PARD3B: variants seen among roughly 807,000 people sequenced by gnomAD.
The protein encoded by PARD3B is partitioning defective 3 homolog B.
In PARD3B, 103 loss-of-function variants were observed where a neutral mutation model predicts 130.2. The observed-to-expected ratio is 0.79, with a 90% confidence interval of 0.67 to 0.93. PARD3B has a LOEUF of 0.93. Among genes scored for constraint, PARD3B ranks in the 40% least tolerant of loss-of-function variants. PARD3B has a pLI of 0.00. For synonymous variants in PARD3B, 583 were observed against 553.2 expected (o/e 1.05, Z -0.76); for missense variants, 1,609 against 1,499.2 (o/e 1.07, Z -1.21).
intron 15 of PARD3B, among the ~76,000 whole-genome samples, chr2:205,217,735 CATATATGTATGTGTGT>C (rs2037992332): frequency 6.7e-6 from 1 of 148,860 alleles, no homozygotes; most frequent in African/African-American, 2.5e-5. Flanking sequence ...TACATATACA[CATATATGTATGTGTGT>C]ATATATGTGT....
intron 16 of PARD3B, among the ~76,000 whole-genome samples, chr2:205,299,427 C>T (rs796982148): frequency 6.6e-5 from 10 of 151,526 alleles, no homozygotes; most frequent in African/African-American, 2.2e-4. Flanking sequence ...TGCAAGTAGA[C>T]TTCATGACAG....
intron 2 of PARD3B, among the ~76,000 whole-genome samples, chr2:204,956,156 G>A (rs1690219077): frequency 6.6e-6 from 1 of 152,164 alleles, no homozygotes; most frequent in Non-Finnish European, 1.5e-5. Flanking sequence ...CCAACCTTAG[G>A]TTCCAATAAG....
At chr2:204,847,201 G>C (rs1214232745) in intron 2 of PARD3B, among the ~76,000 whole-genome samples, 3 of 100,862 alleles carry the variant, frequency 3.0e-5, no homozygotes, top group Non-Finnish European at 4.2e-5. Flanking sequence ...CATTGTTTAT[G>C]TTTTAACTAC....
intron 2 of PARD3B, among the ~76,000 whole-genome samples, chr2:204,922,258 G>A (rs2047709612): frequency 6.6e-6 from 1 of 152,018 alleles, no homozygotes; most frequent in Non-Finnish European, 1.5e-5. Context: ...AAAAAGAGAA[G>A]CAAATAAGCA....
rs115838289 is a variant in PARD3B at position 205,051,124 on chromosome 2, C to G, written c.504+3434C>G. ...ACACTGGTACCCTGCAGAGGAGGTT[C>G]TGTGTGGCAAGGACCTGGGACTGGA... On this transcript the variant is annotated intron_variant, in intron 4 of 22. Coordinates refer to ENST00000406610, the MANE Select transcript of PARD3B (RefSeq NM_001302769.2). Among the ~76,000 whole-genome samples the G allele has an allele frequency of 3.6e-3, 551 of 152,216 alleles. 3 individuals are homozygous for G. The highest frequency in any genetic ancestry group is 0.012 in the African/African-American group (511 of 41,556).
At chr2:205,422,743 T>C (rs1484713991) in intron 19 of PARD3B, among the ~76,000 whole-genome samples, 1 of 152,176 alleles carries the variant, frequency 6.6e-6, no homozygotes, top group South Asian at 2.1e-4. Flanking sequence ...ATGGTAATTA[T>C]AGGCAAAACC....
chr2:205,216,527 A>T (rs1007472929), intron 15 of PARD3B, among the ~76,000 whole-genome samples: 3 of 152,220 alleles, frequency 2.0e-5, no homozygotes, highest in African/African-American at 7.2e-5. Flanking sequence ...AATTGGCAGT[A>T]TAAAACTAAT....
At chr2:205,042,890 A>C (rs1199277258) in intron 3 of PARD3B, among the ~76,000 whole-genome samples, 3 of 151,364 alleles carry the variant, frequency 2.0e-5, no homozygotes, top group Non-Finnish European at 2.9e-5. Flanking sequence ...AAAAAAAAAA[A>C]CCCAGCAAGC....
intron 2 of PARD3B, among the ~76,000 whole-genome samples, chr2:204,691,603 A>G (rs2037356235): frequency 1.3e-5 from 2 of 152,110 alleles, no homozygotes; most frequent in African/African-American, 4.8e-5. Context: ...GGGTTGGTGT[A>G]GGAAAACTAG....
rs528454742 is a variant in PARD3B at position 204,825,236 on chromosome 2, C to T, written c.222+138954C>T. Among the ~76,000 whole-genome samples, 10 of 152,286 alleles carry T rather than the reference C, an allele frequency of 6.6e-5. 1 individual carries two copies. In the South Asian group the frequency reaches 8.3e-4, roughly 13 times the overall value. On this transcript the variant is annotated intron_variant, in intron 2 of 22. Coordinates refer to ENST00000406610, the MANE Select transcript of PARD3B (RefSeq NM_001302769.2). ...TTTGCATTCCAGCTTTCTTACTCAT[C>T]ATCTGAAGGAACCTGGGCCATTGAA...
chr2:204,912,810 C>G (rs190224587), intron 2 of PARD3B, among the ~76,000 whole-genome samples: 5 of 152,260 alleles, frequency 3.3e-5, no homozygotes, highest in African/African-American at 4.8e-5. Context: ...CTTAACATTA[C>G]TGTAGATCCT....
rs1460076395 is a variant in PARD3B, at chr2:205,015,130, A to G, written c.395-32451A>G. On this transcript the variant is annotated intron_variant, in intron 3 of 22. Transcript: ENST00000406610. The surrounding 1 kb of genome is among the most constrained non-coding windows in gnomAD (Gnocchi z 4.5). ...TACCAATAACATAAACAGTTGATTA[A>G]CACCTATTTTGTATGTTATATGTAT... Among the ~76,000 whole-genome samples the G allele has an allele frequency of 4.6e-5, 7 of 152,174 alleles. No homozygotes were observed. Among genetic ancestry groups the G allele is most frequent in the African/African-American group, 1.4e-4 (6 of 41,436 alleles).
intron 18 of PARD3B, among the ~76,000 whole-genome samples, chr2:205,383,651 A>G (rs959716024): frequency 1.3e-5 from 2 of 151,976 alleles, no homozygotes; most frequent in African/African-American, 4.8e-5. Context: ...ATACAGTTCT[A>G]TGGGTTTTAC....
chr2:205,608,877 A>C (rs868824034), intron 22 of PARD3B, among the ~76,000 whole-genome samples: 1 of 152,222 alleles, frequency 6.6e-6, no homozygotes, highest in South Asian at 2.1e-4. Flanking sequence ...GCACTCAGTC[A>C]CTATCCTTTC....
chr2:205,173,201 A>T (rs1048040343), intron 12 of PARD3B, among the ~76,000 whole-genome samples: 1 of 152,206 alleles, frequency 6.6e-6, no homozygotes, highest in South Asian at 2.1e-4. Flanking sequence ...TACAAAATTT[A>T]AAAAACTATT....
intron 18 of PARD3B, 77 bp from the exon 19 acceptor site, chr2:205,400,936 C>T (rs2046230214): frequency 5.0e-6 from 5 of 994,276 alleles, no homozygotes; most frequent in East Asian, 2.6e-5. Flanking sequence ...TTAATGAGCT[C>T]ATCCCATAAA....
At chr2:204,648,100 G>A (rs952043619) in intron 1 of PARD3B, among the ~76,000 whole-genome samples, 2 of 151,606 alleles carry the variant, frequency 1.3e-5, no homozygotes, top group African/African-American at 4.8e-5. Context: ...AGTTATTTTT[G>A]AGGTTATGCA....
At chr2:205,554,941 G>C (rs1352634441) in intron 22 of PARD3B, among the ~76,000 whole-genome samples, 1 of 152,138 alleles carries the variant, frequency 6.6e-6, no homozygotes. Flanking sequence ...GGTGCGGGAG[G>C]TGCAGTCCTG....
At chr2:205,129,249 G>T (rs1389562902) in intron 10 of PARD3B, among the ~76,000 whole-genome samples, 1 of 152,152 alleles carries the variant, frequency 6.6e-6, no homozygotes, top group African/African-American at 2.4e-5. Context: ...CCTTCCTATT[G>T]GAGAAATAAG....
Sources: allele counts gnomAD v4.1 joint callset (sites outside exome capture counted in the v4.1 genomes callset), GRCh38; gene constraint gnomAD v4.1.1; non-coding constraint Gnocchi (gnomAD v3.1); transcripts MANE v1.5; gene names NCBI Gene and HGNC (gene_info 2026-07-23, HGNC 2026-07-21).